KIRREL3: variants seen among roughly 807,000 people sequenced by gnomAD.
The protein encoded by KIRREL3 is kirre like nephrin family adhesion molecule 3, also known as kin of IRRE-like protein 3.
KIRREL3 carries 36 observed loss-of-function variants against 89.7 expected under a neutral mutation model. The ratio of observed to expected loss-of-function variants is 0.40; its 90% CI spans 0.31 to 0.53. The LOEUF (loss-of-function observed/expected upper bound fraction) is 0.53, where lower values mean the gene tolerates loss of function less well. KIRREL3 is among the 20% of genes least tolerant of loss of function. KIRREL3 has a pLI of 0.49. For missense variants in KIRREL3, 864 were observed against 1,056.6 expected (o/e 0.82, Z 2.53); for synonymous variants, 445 against 441.4 (o/e 1.01, Z -0.10).
chr11:126,801,578 G>C (rs1163159519), intron 1 of KIRREL3, among the ~76,000 whole-genome samples: 2 of 152,194 alleles, frequency 1.3e-5, no homozygotes, highest in African/African-American at 4.8e-5. Flanking sequence ...TTGCACGAGA[G>C]GCCCTGGGTT....
At position 126,519,693 on chromosome 11, in the gene KIRREL3, G is replaced by C. The variant is rs1293248281; in HGVS notation, c.433+1622C>G. Among the ~76,000 whole-genome samples the C allele has an allele frequency of 1.3e-5, 2 of 152,204 alleles. No homozygotes were observed. The highest frequency in any genetic ancestry group is 6.5e-5 in the Admixed American group (1 of 15,282). ...AGATTCTTCTGAGGATGGAGGGGCT[G>C]AGCCATCTCTGAAGATGAGGAGCCT... On this transcript the variant is annotated intron_variant, in intron 4 of 16. Coordinates refer to ENST00000525144, the MANE Select transcript of KIRREL3 (RefSeq NM_032531.4). This position sits in a 1 kb window ranked among gnomAD's most constrained non-coding sequence, Gnocchi z 4.3.
chr11:126,762,220 G>T (rs539427518), intron 1 of KIRREL3, among the ~76,000 whole-genome samples: 2 of 152,092 alleles, frequency 1.3e-5, no homozygotes, highest in African/African-American at 2.4e-5. Context: ...AATAAAGTCT[G>T]GTCTCCTGGT....
chr11:126,488,769 A>G lies in KIRREL3; in HGVS notation c.434-15303T>C, dbSNP rs554666182. ...TCTCCTCTGGCCTCTCCCTGCTCCTACCTGTTCCCCACAGGGGATCCCCCC... is the reference window on the plus strand; with the variant it reads ...TCTCCTCTGGCCTCTCCCTGCTCCTGCCTGTTCCCCACAGGGGATCCCCCC... On this transcript the variant is annotated intron_variant, in intron 4 of 16. Coordinates refer to ENST00000525144, the MANE Select transcript of KIRREL3 (RefSeq NM_032531.4). Among the ~76,000 whole-genome samples, 7 of 152,174 alleles carry G rather than the reference A, an allele frequency of 4.6e-5. No individual in the cohort carries two copies. In the South Asian group the frequency reaches 1.5e-3, roughly 32 times the overall value.
chr11:126,556,436 T>C (rs1591731460), intron 2 of KIRREL3, among the ~76,000 whole-genome samples: 1 of 152,014 alleles, frequency 6.6e-6, no homozygotes, highest in Non-Finnish European at 1.5e-5. Flanking sequence ...AGGCCAGGGG[T>C]TTGAGACCAG....
At chr11:126,426,098 C>G (rs530731633) in intron 15 of KIRREL3, among the ~76,000 whole-genome samples, 43 of 152,370 alleles carry the variant, frequency 2.8e-4, no homozygotes, top group Admixed American at 2.4e-3. Context: ...CAGAGATCCA[C>G]AGATTAACGT....
chr11:126,456,194 G>A (rs944842251), intron 7 of KIRREL3, among the ~76,000 whole-genome samples, 155 bp downstream of exon 7: 1 of 151,848 alleles, frequency 6.6e-6, no homozygotes, highest in African/African-American at 2.4e-5. Flanking sequence ...TAGCAGGCAG[G>A]CGGGTTTAAG....
rs192215485 is a variant in KIRREL3 at position 126,796,411 on chromosome 11, T to C, written c.55+204044A>G. ...GCCCGTCCTGTCCCGCAGCATTGGG[T>C]GTGGAGGAAGGCTGAAGGAGGGGAC... On this transcript the variant is annotated intron_variant, in intron 1 of 16. Coordinates refer to ENST00000525144, the MANE Select transcript of KIRREL3 (RefSeq NM_032531.4). This position sits in a 1 kb window ranked among gnomAD's most constrained non-coding sequence, Gnocchi z 5.1. Among the ~76,000 whole-genome samples the C allele has an allele frequency of 6.6e-6, 1 of 152,074 alleles. No homozygotes were observed. Among genetic ancestry groups the C allele is most frequent in the Non-Finnish European group, 1.5e-5 (1 of 67,998 alleles).
Position 126,614,833 on chromosome 11 carries a change from G to T in KIRREL3, c.56-51921C>A, listed in dbSNP as rs565109971. 3.3e-4 allele frequency among the ~76,000 whole-genome samples: 50 copies of T among 152,192 alleles called. No individual in the cohort carries two copies. The highest frequency in any genetic ancestry group is 6.6e-4 in the Non-Finnish European group (45 of 68,040). ...TTAGTATCAGGTCTGGGTTGGGGCA[G>T]GTAAATCTTCCTTTCTTTGTGGGCT... On this transcript the variant is annotated intron_variant, in intron 1 of 16. Coordinates refer to ENST00000525144, the MANE Select transcript of KIRREL3 (RefSeq NM_032531.4). The surrounding 1 kb of genome is among the most constrained non-coding windows in gnomAD (Gnocchi z 4.6).
Position 126,927,508 on chromosome 11 carries a change from T to C in KIRREL3, c.55+72947A>G, listed in dbSNP as rs187603015. 3.5e-3 allele frequency among the ~76,000 whole-genome samples: 537 copies of C among 152,376 alleles called. 5 individuals carry two copies. The highest frequency in any genetic ancestry group is 0.016 in the South Asian group (79 of 4,830). The stretch of plus-strand genomic sequence containing the variant: ...CTCTCTTTATTATAACAAGAATACA[T>C]TATTTTAATAAATACAAAAAGGAAA... On this transcript the variant is annotated intron_variant, in intron 1 of 16. Coordinates refer to ENST00000525144, the MANE Select transcript of KIRREL3 (RefSeq NM_032531.4).
chr11:126,518,385 A>G (rs1183684215), intron 4 of KIRREL3, among the ~76,000 whole-genome samples: 1 of 152,174 alleles, frequency 6.6e-6, no homozygotes, highest in Non-Finnish European at 1.5e-5. Flanking sequence ...CTCACTTGGT[A>G]CTTCGATGGA....
chr11:126,466,593 CTT>C (rs1015628186), intron 5 of KIRREL3, among the ~76,000 whole-genome samples: 6 of 152,232 alleles, frequency 3.9e-5, no homozygotes, highest in African/African-American at 1.2e-4. Flanking sequence ...TCTCGCCTCT[CTT>C]GTTTCTTTTG....
chr11:126,792,350 T>C (rs537857403), intron 1 of KIRREL3, among the ~76,000 whole-genome samples: 1 of 152,352 alleles, frequency 6.6e-6, no homozygotes, highest in Admixed American at 6.5e-5. Flanking sequence ...ATAGGTCCTA[T>C]TATTACCGTT....
intron 6 of KIRREL3, among the ~76,000 whole-genome samples, chr11:126,460,428 G>A (rs899720363): frequency 1.3e-5 from 2 of 152,126 alleles, no homozygotes; most frequent in Non-Finnish European, 2.9e-5. Context: ...GGAGGAAATC[G>A]GGGCACAAGG....
chr11:126,923,094 T>G (rs1298505616), intron 1 of KIRREL3, among the ~76,000 whole-genome samples: 2 of 122,386 alleles, frequency 1.6e-5, no homozygotes, highest in African/African-American at 7.7e-5. Context: ...GATCTTCTTC[T>G]TCTTCTTCTC....
chr11:126,560,957 T>C (rs1940075798), intron 2 of KIRREL3, among the ~76,000 whole-genome samples: 1 of 152,224 alleles, frequency 6.6e-6, no homozygotes, highest in Admixed American at 6.5e-5. Context: ...TATTAATATG[T>C]GGAAATTATA....
intron 4 of KIRREL3, among the ~76,000 whole-genome samples, chr11:126,507,367 T>A (rs367933666): frequency 1.3e-5 from 2 of 152,160 alleles, no homozygotes; most frequent in South Asian, 2.1e-4. Flanking sequence ...CAAATAAAGC[T>A]GTTAAAAAAT....
At position 126,814,761 on chromosome 11, in the gene KIRREL3, C is replaced by A. The variant is rs1029454343; in HGVS notation, c.55+185694G>T. Among the ~76,000 whole-genome samples, 8 of 152,008 alleles carry A rather than the reference C, an allele frequency of 5.3e-5. No homozygotes were observed. Among genetic ancestry groups the A allele is most frequent in the Non-Finnish European group, 8.8e-5 (6 of 67,998 alleles). On this transcript the variant is annotated intron_variant, in intron 1 of 16. Coordinates refer to ENST00000525144, the MANE Select transcript of KIRREL3 (RefSeq NM_032531.4). The surrounding 1 kb of genome is among the most constrained non-coding windows in gnomAD (Gnocchi z 4.4). ...GGGAGGGGAACAACACACACTGGGA[C>A]CTGATGGGGGTGTGGGTTGGGGGAG... is the stretch of plus-strand genomic sequence containing the variant.
chr11:126,821,351 A>ATATATATATATATATATATATG lies in KIRREL3; in HGVS notation c.55+179103_55+179104insCATATATATATATATATATATA, dbSNP rs756545626. ...ACAGTATATATATATATATATATAT[A>ATATATATATATATATATATATG]TGTAACTTCCAACCAACATCCCTTC... On this transcript the variant is annotated intron_variant, in intron 1 of 16. Transcript: ENST00000525144. Among the ~76,000 whole-genome samples the ATATATATATATATATATATATG allele has an allele frequency of 3.5e-3, 372 of 105,074 alleles. 10 individuals carry two copies. The highest frequency in any genetic ancestry group is 0.016 in the African/African-American group (356 of 22,866). 68.9% of individuals were successfully genotyped at this position (105,074 alleles called of 152,430 possible).
At chr11:126,448,981 C>A (rs764935325) in intron 8 of KIRREL3, 28 bp downstream of exon 8, 2 of 1,577,424 alleles carry the variant, frequency 1.3e-6, no homozygotes, top group Non-Finnish European at 1.7e-6. Flanking sequence ...GCCTGCTCGC[C>A]TGGGGAAGCC....
Sources: allele counts gnomAD v4.1 joint callset (sites outside exome capture counted in the v4.1 genomes callset), GRCh38; gene constraint gnomAD v4.1.1; non-coding constraint Gnocchi (gnomAD v3.1); transcripts MANE v1.5; gene names NCBI Gene and HGNC (gene_info 2026-07-23, HGNC 2026-07-21).